Variants in XPOT observed in about 807,000 individuals in gnomAD.
XPOT encodes exportin-T.
XPOT carries 34 observed loss-of-function variants against 128.2 expected under a neutral mutation model. The ratio of observed to expected loss-of-function variants is 0.27; its 90% CI spans 0.20 to 0.35. XPOT has a LOEUF of 0.35. XPOT is among the 10% of genes least tolerant of loss of function. XPOT has a pLI of 1.00. For synonymous variants in XPOT, 348 were observed against 394.3 expected (o/e 0.88, Z 1.39); for missense variants, 838 against 1,125.3 (o/e 0.74, Z 3.65).
intron 15 of XPOT, among the ~76,000 whole-genome samples, chr12:64,427,819 C>T (rs927094095): frequency 6.6e-6 from 1 of 152,022 alleles, no homozygotes; most frequent in African/African-American, 2.4e-5. Context: ...CTATTTTTTG[C>T]GAATGAAAAC....
At position 64,435,616 on chromosome 12, in the gene XPOT, GT is replaced by G. The variant is rs1565802809; in HGVS notation, c.2686-6del. On this transcript the variant is annotated splice_polypyrimidine_tract_variant and intron_variant, in intron 21 of 24. Coordinates refer to ENST00000332707, the MANE Select transcript of XPOT (RefSeq NM_007235.6). ...TGAATATATAGAAATTCTTAAACTT[GT>G]TTTTCACAGGCTTTATCTGAGTGTG... The G allele has an allele frequency of 7.6e-6, 12 of 1,588,548 alleles. No homozygotes were observed. The highest frequency in any genetic ancestry group is 1.0e-5 in the Non-Finnish European group (12 of 1,165,464).
rs149280909 is a variant in XPOT, at chr12:64,421,907, G to A, written c.1080+436G>A. ...AGCTCACCACAACCTCCACCTCCCA[G>A]GTTCAAGCGATTTTCCTGCCTCAAC... On this transcript the variant is annotated intron_variant, in intron 9 of 24. Coordinates refer to ENST00000332707, the MANE Select transcript of XPOT (RefSeq NM_007235.6). Among the ~76,000 whole-genome samples, 1,370 of 152,162 alleles carry A rather than the reference G, an allele frequency of 9.0e-3. 19 individuals are homozygous for A. The highest frequency in any genetic ancestry group is 0.031 in the African/African-American group (1,279 of 41,486).
chr12:64,445,009 A>T, intron 23 of XPOT, 66 bp from the exon 24 acceptor site: 2 of 1,354,980 alleles, frequency 1.5e-6, no homozygotes, highest in South Asian at 2.7e-5. Flanking sequence ...AAAACTGGAT[A>T]CGAATTACAA....
At chr12:64,443,698 G>A (rs1315275558) in intron 23 of XPOT, among the ~76,000 whole-genome samples, 4 of 151,660 alleles carry the variant, frequency 2.6e-5, no homozygotes, top group Admixed American at 6.6e-5. Flanking sequence ...CAAGTGATCC[G>A]GCCACTTTGA....
In XPOT at chr12:64,412,454, T is replaced by G. The variant is rs572272534; in HGVS notation, c.60+2359T>G. On this transcript the variant is annotated intron_variant, in intron 2 of 24. Coordinates refer to ENST00000332707, the MANE Select transcript of XPOT (RefSeq NM_007235.6). ...CCTCTTTTGTAAGTGAAATATTAGG[T>G]GGTAATGCAACATACATGATTAACT... Among the ~76,000 whole-genome samples, 5 of 152,282 alleles carry G rather than the reference T, an allele frequency of 3.3e-5. No individual in the cohort carries two copies. The South Asian group carries it at 6.2e-4, about 19-fold the overall frequency.
intron 16 of XPOT, among the ~76,000 whole-genome samples, chr12:64,429,632 G>T (rs1049379759): frequency 6.6e-6 from 1 of 151,978 alleles, no homozygotes; most frequent in African/African-American, 2.4e-5. Context: ...GTAGAGACAG[G>T]GTTTCACCAC....
rs149818211 is a variant in XPOT, at chr12:64,428,197, G to C, written c.1737+77G>C. 19 of 1,040,504 alleles carry C rather than the reference G, an allele frequency of 1.8e-5. No individual in the cohort carries two copies. The African/African-American group carries it at 3.2e-4, about 17-fold the overall frequency. The allele number at this position is 1,040,504 out of a possible 1,614,324, so 64.5% of individuals were successfully genotyped here. On this transcript the variant is annotated intron_variant, in intron 16 of 24. Coordinates refer to ENST00000332707, the MANE Select transcript of XPOT (RefSeq NM_007235.6). ...CGTGCCATTAGCCTTGCCTTTGTTG[G>C]CATTTAAAAAAAAAAATTGGTGGTG...
At chr12:64,407,547 C>T (rs1309017578) in intron 1 of XPOT, among the ~76,000 whole-genome samples, 2 of 151,436 alleles carry the variant, frequency 1.3e-5, no homozygotes, top group African/African-American at 4.9e-5. Flanking sequence ...CATAGCAGTG[C>T]TTAGGATGGG....
Position 64,448,288 on chromosome 12 carries a change from C to T in XPOT, c.*157C>T. 1 of 693,508 alleles carries T rather than the reference C, an allele frequency of 1.4e-6. No homozygotes were observed. The highest frequency in any genetic ancestry group is 2.5e-6 in the Non-Finnish European group (1 of 396,346). The allele number at this position is 693,508 out of a possible 1,614,324, so 43.0% of individuals were successfully genotyped here. On this transcript the variant is annotated 3_prime_UTR_variant, in exon 25 of 25. Coordinates refer to ENST00000332707, the MANE Select transcript of XPOT (RefSeq NM_007235.6). Reference sequence around the variant, plus strand: ...TTTTCTGTAAAATGGGTGTAATTTTCCTAATACAGGTATGTAACAACAAAA... The same window carrying T: ...TTTTCTGTAAAATGGGTGTAATTTTTCTAATACAGGTATGTAACAACAAAA...
chr12:64,431,811 G>A lies in XPOT; in HGVS notation c.2250G>A (p.Thr750=), dbSNP rs1169403809. ...TCATTCCTCTTATCAACCAGATTACGGCCAAATTCAAGGTACCGCAAACTT... is the reference window on the plus strand; with the variant it reads ...TCATTCCTCTTATCAACCAGATTACAGCCAAATTCAAGGTACCGCAAACTT... ...QEFIPLINQI[T]AKFKIQVSPF... Residue 750 remains threonine, a synonymous_variant, in exon 18 of 25, where the codon ACG becomes ACA. Transcript: ENST00000332707. 9.3e-6 allele frequency: 15 copies of A among 1,611,304 alleles called. No individual in the cohort carries two copies. Among genetic ancestry groups the A allele is most frequent in the Admixed American group, 1.7e-5 (1 of 59,932 alleles).
intron 4 of XPOT, among the ~76,000 whole-genome samples, chr12:64,417,402 GC>G (rs777454837): frequency 1.3e-5 from 2 of 152,092 alleles, no homozygotes; most frequent in Non-Finnish European, 2.9e-5. Context: ...TAAAAAATTA[GC>G]CAGGCATGAT....
At chr12:64,422,910 A>G (rs2040152976) in intron 9 of XPOT, 95 bp from the exon 10 acceptor site, 5 of 1,347,482 alleles carry the variant, frequency 3.7e-6, no homozygotes, top group Non-Finnish European at 5.1e-6. Context: ...CTCAAAAAAA[A>G]AAAAAAAAAC....
intron 11 of XPOT, among the ~76,000 whole-genome samples, chr12:64,424,266 T>C (rs184481101): frequency 1.8e-4 from 27 of 152,362 alleles, no homozygotes; most frequent in Admixed American, 9.2e-4. Flanking sequence ...AGACTATTTC[T>C]AGCTCTAGGC....
intron 11 of XPOT, among the ~76,000 whole-genome samples, chr12:64,423,822 A>T (rs1318835255): frequency 6.6e-6 from 1 of 152,140 alleles, no homozygotes; most frequent in Non-Finnish European, 1.5e-5. Context: ...ATTATTGGTG[A>T]TCATATTTCA....
Position 64,430,551 on chromosome 12 carries a change from C to G in XPOT, c.1976+264C>G, listed in dbSNP as rs7980497. 5.4e-3 allele frequency among the ~76,000 whole-genome samples: 818 copies of G among 151,914 alleles called. 10 individuals carry two copies. The highest frequency in any genetic ancestry group is 0.018 in the African/African-American group (745 of 41,512). On this transcript the variant is annotated intron_variant, in intron 17 of 24. Transcript: ENST00000332707. ...TGGGTTGTGTGTTTAAGAGGATCAG[C>G]TGAAGTGTTAATATACCAAATATAT... is the stretch of plus-strand genomic sequence containing the variant.
At chr12:64,425,635 G>C in intron 14 of XPOT, 178 bp downstream of exon 14, 1 of 981,900 alleles carries the variant, frequency 1.0e-6, no homozygotes. Flanking sequence ...TGCCCAATTA[G>C]TCAACTAAAA....
intron 1 of XPOT, among the ~76,000 whole-genome samples, chr12:64,407,623 T>C (rs1488728940): frequency 6.6e-6 from 1 of 152,128 alleles, no homozygotes; most frequent in Non-Finnish European, 1.5e-5. Flanking sequence ...AAGAGATGGC[T>C]TCTAAGTTGA....
intron 18 of XPOT, among the ~76,000 whole-genome samples, chr12:64,432,206 T>C (rs951124038): frequency 6.6e-6 from 1 of 152,290 alleles, no homozygotes; most frequent in East Asian, 1.9e-4. Context: ...AGCTGGCTAA[T>C]AAAAGTGGTT....
chr12:64,445,193 GAATA>G (rs2040358667), intron 24 of XPOT, 62 bp downstream of exon 24: 2 of 1,267,584 alleles, frequency 1.6e-6, no homozygotes, highest in Non-Finnish European at 2.3e-6. Flanking sequence ...AGCCAAGAGA[GAATA>G]CATACCTGCA....
Sources: allele counts gnomAD v4.1 joint callset (sites outside exome capture counted in the v4.1 genomes callset), GRCh38; gene constraint gnomAD v4.1.1; transcripts MANE v1.5; gene names NCBI Gene and HGNC (gene_info 2026-07-23, HGNC 2026-07-21).